Variants in SAAL1 observed in about 807,000 individuals in gnomAD.
The protein encoded by SAAL1 is protein SAAL1.
In SAAL1, 42 loss-of-function variants were observed where a neutral mutation model predicts 59.8. The ratio of observed to expected loss-of-function variants is 0.70; its 90% CI spans 0.55 to 0.91. The LOEUF (loss-of-function observed/expected upper bound fraction) is 0.91, where lower values mean the gene tolerates loss of function less well. SAAL1 is among the 40% of genes least tolerant of loss of function. SAAL1 has a pLI of 0.00. For missense variants in SAAL1, 542 were observed against 561.1 expected (o/e 0.97, Z 0.34); for synonymous variants, 191 against 194.3 (o/e 0.98, Z 0.14).
chr11:18,091,786 GAA>G (rs760458229), intron 4 of SAAL1, among the ~76,000 whole-genome samples: 97 of 152,336 alleles, frequency 6.4e-4, no homozygotes, highest in South Asian at 1.2e-3. Flanking sequence ...GCAGATATCT[GAA>G]AGTCTTTTCA....
intron 4 of SAAL1, chr11:18,090,779 T>C (rs952558400): frequency 2.6e-5 from 7 of 269,980 alleles, no homozygotes; most frequent in African/African-American, 1.6e-4. Context: ...AATCATTTCC[T>C]TACTTTGCAC....
rs760888243 is a variant in SAAL1 at position 18,087,038 on chromosome 11, A to G, written c.870T>C (p.Thr290=). The change falls in exon 9 of 12, where the codon ACT becomes ACC. Residue 290 remains threonine, a synonymous_variant. Transcript: ENST00000524803. ...AAAGTAAATTCCAAATGTCTTTTCCAGTGTCAGGACAATGTACTTAATAAA... is the reference window on the plus strand; with the variant it reads ...AAAGTAAATTCCAAATGTCTTTTCCGGTGTCAGGACAATGTACTTAATAAA... ...GIQAIVHCPD[T]GKDIWNLLFD... 3.1e-6 allele frequency: 5 copies of G among 1,613,674 alleles called. No individual in the cohort carries two copies. In the South Asian group the frequency reaches 4.4e-5, roughly 14 times the overall value.
At chr11:18,105,092 A>T (rs532650070) in intron 1 of SAAL1, among the ~76,000 whole-genome samples, 2 of 152,236 alleles carry the variant, frequency 1.3e-5, no homozygotes, top group East Asian at 3.9e-4. Flanking sequence ...TAAATATTAT[A>T]ATCCCATTTT....
intron 4 of SAAL1, among the ~76,000 whole-genome samples, chr11:18,091,102 A>T (rs1034716052): frequency 1.9e-4 from 29 of 152,290 alleles, no homozygotes; most frequent in African/African-American, 6.5e-4. Flanking sequence ...ATTTCTGTTG[A>T]TTCCAATTTG....
Position 18,094,416 on chromosome 11 carries a change from A to G in SAAL1, c.334-2092T>C, listed in dbSNP as rs186835861. Among the ~76,000 whole-genome samples the G allele has an allele frequency of 3.9e-5, 6 of 152,136 alleles. No individual in the cohort carries two copies. The East Asian group carries it at 1.2e-3, about 29-fold the overall frequency. ...GTATGTGTGGATTTCAGTATGGGGG[A>G]ATGTCTTGCAACCATCCCCCATGTA... is the stretch of plus-strand genomic sequence containing the variant. On this transcript the variant is annotated intron_variant, in intron 3 of 11. Coordinates refer to ENST00000524803, the MANE Select transcript of SAAL1 (RefSeq NM_138421.3).
intron 4 of SAAL1, chr11:18,091,082 G>A (rs1372738053): frequency 6.6e-6 from 1 of 152,240 alleles, no homozygotes; most frequent in Non-Finnish European, 1.5e-5. Context: ...CCAGACTACT[G>A]TTGATGGACA....
intron 10 of SAAL1, among the ~76,000 whole-genome samples, chr11:18,082,370 T>C (rs1463950493): frequency 6.6e-6 from 1 of 152,138 alleles, no homozygotes. Flanking sequence ...TAAGACACAA[T>C]TTATTACCTG....
rs768580728 is a variant in SAAL1, at chr11:18,090,157, G to C, written c.589+18C>G. On this transcript the variant is annotated intron_variant, in intron 6 of 11. Transcript: ENST00000524803. ...TACAATTTAAAACATTTTTTTTCTA[G>C]AGTACATGATGACTTACCATTTGTT... is the stretch of plus-strand genomic sequence containing the variant. 5.8e-5 allele frequency: 90 copies of C among 1,548,818 alleles called. No homozygotes were observed. In the South Asian group the frequency reaches 6.9e-4, roughly 12 times the overall value.
At chr11:18,105,206 G>T (rs1000141027) in intron 1 of SAAL1, among the ~76,000 whole-genome samples, 1 of 152,014 alleles carries the variant, frequency 6.6e-6, no homozygotes, top group Non-Finnish European at 1.5e-5. Context: ...GTCTTACTCC[G>T]TCCCCCAGCC....
At chr11:18,094,827 A>G (rs1172209290) in intron 3 of SAAL1, among the ~76,000 whole-genome samples, 1 of 152,164 alleles carries the variant, frequency 6.6e-6, no homozygotes, top group Non-Finnish European at 1.5e-5. Context: ...AAAAAACCAC[A>G]TACATTTCCC....
chr11:18,100,905 A>G (rs1848627502), intron 2 of SAAL1, among the ~76,000 whole-genome samples: 1 of 152,238 alleles, frequency 6.6e-6, no homozygotes, highest in African/African-American at 2.4e-5. Flanking sequence ...ACCTAAAATT[A>G]TAAAACTTTT....
chr11:18,081,082 C>A (rs1264573535), intron 11 of SAAL1, among the ~76,000 whole-genome samples: 1 of 152,020 alleles, frequency 6.6e-6, no homozygotes, highest in Non-Finnish European at 1.5e-5. Flanking sequence ...CACAGATGAA[C>A]CTGTTACCCA....
chr11:18,105,772 A>T (rs1848682471), intron 1 of SAAL1, 135 bp downstream of exon 1: 1 of 1,161,596 alleles, frequency 8.6e-7, no homozygotes, highest in Non-Finnish European at 1.2e-6. Context: ...CGCAAGGAGC[A>T]AGGTCCCGCA....
Position 18,104,347 on chromosome 11 carries a change from A to T in SAAL1, c.136-1001T>A, listed in dbSNP as rs58906646. 8.5e-3 allele frequency among the ~76,000 whole-genome samples: 1,299 copies of T among 152,292 alleles called. 16 individuals are homozygous for T. The highest frequency in any genetic ancestry group is 0.03 in the African/African-American group (1,251 of 41,554). ...TTTAAAAATGTAGTACCTTGGGTAG[A>T]TCTACTCTTTCAACATTCACAAAGT... On this transcript the variant is annotated intron_variant, in intron 1 of 11. Transcript: ENST00000524803.
chr11:18,097,161 C>G (rs539010377), intron 2 of SAAL1, among the ~76,000 whole-genome samples: 1 of 152,028 alleles, frequency 6.6e-6, no homozygotes, highest in South Asian at 2.1e-4. Context: ...CGCTAGAACC[C>G]GGGAGGCAGA....
chr11:18,084,914 C>T (rs1224958703), intron 9 of SAAL1, among the ~76,000 whole-genome samples: 5 of 152,022 alleles, frequency 3.3e-5, no homozygotes, highest in African/African-American at 4.8e-5. Context: ...TACAGGCATG[C>T]GTCACCAAGC....
chr11:18,090,692 T>C (rs1848515222), intron 4 of SAAL1, 199 bp from the exon 5 acceptor site: 1 of 509,554 alleles, frequency 2.0e-6, no homozygotes, highest in East Asian at 3.5e-5. Flanking sequence ...GCTGCATCTT[T>C]GTAGTCACCA....
At chr11:18,097,743 G>A (rs1848592196) in intron 2 of SAAL1, among the ~76,000 whole-genome samples, 1 of 152,038 alleles carries the variant, frequency 6.6e-6, no homozygotes, top group Non-Finnish European at 1.5e-5. Flanking sequence ...GGAGGTTGAG[G>A]TGGGAGGATC....
Position 18,105,927 on chromosome 11 carries a change from C to T in SAAL1, c.115G>A (p.Val39Ile), listed in dbSNP as rs1294893607. 6.2e-7 allele frequency: 1 copy of T among 1,603,958 alleles called. No homozygotes were observed. Among genetic ancestry groups the T allele is most frequent in the East Asian group, 2.3e-5 (1 of 44,364 alleles). Residue 39 changes from valine (V) to isoleucine (I), a missense_variant, in exon 1 of 12, where the codon GTC becomes ATC. Coordinates refer to ENST00000524803, the MANE Select transcript of SAAL1 (RefSeq NM_138421.3). ...TVYSKHWLFGVLSGLIQIVSP... is the reference protein window; with the variant it reads ...TVYSKHWLFGILSGLIQIVSP... ...CACACCTGGATGAGTCCGCTGAGGA[C>T]GCCGAAGAGCCAGTGTTTGCTGTAG...
Sources: gnomAD v4.1 joint callset for allele counts (sites outside exome capture counted in the v4.1 genomes callset) on GRCh38, gnomAD v4.1.1 for gene constraint, MANE v1.5 for transcripts, NCBI Gene and HGNC (gene_info 2026-07-23, HGNC 2026-07-21) for gene names.